MALRD1: variants seen among roughly 807,000 people sequenced by gnomAD.
The protein encoded by MALRD1 is MAM and LDL receptor class A domain containing 1.
A neutral mutation model predicts 242.1 loss-of-function variants in MALRD1; 247 were observed. That is an observed-to-expected ratio of 1.02 (90% CI 0.92 to 1.13). MALRD1 has a LOEUF of 1.13. Ranked by LOEUF, MALRD1 falls within the 50% of genes most tolerant of loss-of-function variation. The probability of loss-of-function intolerance (pLI) is 0.00; values close to 1 mark genes in which losing one functional copy is unlikely to be tolerated. For synonymous variants in MALRD1, 995 were observed against 866.6 expected, an observed-to-expected ratio of 1.15 and a Z score of -2.60; for missense variants, 2,989 against 2,533.1, an observed-to-expected ratio of 1.18 and a Z score of -3.86.
chr10:19,473,543 T>G (rs1212766247), intron 29 of MALRD1, among the ~76,000 whole-genome samples: 1 of 152,070 alleles, frequency 6.6e-6, no homozygotes, highest in Non-Finnish European at 1.5e-5. Flanking sequence ...TTTTCTACTC[T>G]GGGTGCCACA....
chr10:19,556,725 C>T (rs1006081337), intron 32 of MALRD1, among the ~76,000 whole-genome samples: 6 of 152,088 alleles, frequency 3.9e-5, no homozygotes, highest in South Asian at 2.1e-4. Context: ...TAAACAATCA[C>T]GTGCACATTT....
intron 19 of MALRD1, among the ~76,000 whole-genome samples, chr10:19,262,800 C>G (rs1007423413): frequency 3.3e-5 from 5 of 152,088 alleles, no homozygotes; most frequent in Non-Finnish European, 7.3e-5. Flanking sequence ...CCATTTCTTT[C>G]ATCCCTCGAC....
chr10:19,256,762 G>A (rs370481387), intron 18 of MALRD1, among the ~76,000 whole-genome samples: 1 of 152,160 alleles, frequency 6.6e-6, no homozygotes, highest in East Asian at 1.9e-4. Flanking sequence ...AATAATGTTT[G>A]TGGTAATTTT....
chr10:19,251,228 C>T (rs767103447), intron 18 of MALRD1, among the ~76,000 whole-genome samples: 10 of 152,032 alleles, frequency 6.6e-5, no homozygotes, highest in Non-Finnish European at 1.5e-4. Flanking sequence ...CATCCAAGTG[C>T]CCTGTTTGGA....
At chr10:19,118,916 G>A (rs1836968096) in intron 5 of MALRD1, among the ~76,000 whole-genome samples, 1 of 152,176 alleles carries the variant, frequency 6.6e-6, no homozygotes, top group South Asian at 2.1e-4. Context: ...AAAACCCATG[G>A]AAGGGCTTTA....
At position 19,585,958 on chromosome 10, in the gene MALRD1, C is replaced by T. The variant is rs12262137; in HGVS notation, c.5681-9236C>T. 2.8e-3 allele frequency among the ~76,000 whole-genome samples: 427 copies of T among 152,212 alleles called. 4 individuals are homozygous for T. Among genetic ancestry groups the T allele is most frequent in the African/African-American group, 9.8e-3 (408 of 41,526 alleles). ...TCTTTTTCCTCTAAACTTCCCTTCT[C>T]GCTTCATTTCATTCATTTCATCTTC... On this transcript the variant is annotated intron_variant, in intron 33 of 39. Transcript: ENST00000454679.
rs1247071408 is a variant in MALRD1 at position 19,595,685 on chromosome 10, CT to C, written c.5944+232del. On this transcript the variant is annotated intron_variant, in intron 34 of 39. Coordinates refer to ENST00000454679, the MANE Select transcript of MALRD1 (RefSeq NM_001142308.3). ...AATTTTTGTTAAACCTATCTTTTTC[CT>C]TTTCCATTTATATCTGAGTCATTCA... Among the ~76,000 whole-genome samples the C allele has an allele frequency of 1.1e-4, 16 of 152,212 alleles. No homozygotes were observed. The South Asian group carries it at 2.5e-3, about 24-fold the overall frequency.
intron 38 of MALRD1, among the ~76,000 whole-genome samples, chr10:19,703,280 G>C (rs1391385252): frequency 1.3e-5 from 2 of 152,100 alleles, no homozygotes; most frequent in African/African-American, 4.8e-5. Context: ...TTCTCTCTCT[G>C]CAGGTGTATT....
At chr10:19,647,072 C>G (rs1012099233) in intron 36 of MALRD1, among the ~76,000 whole-genome samples, 15 of 152,134 alleles carry the variant, frequency 9.9e-5, no homozygotes, top group African/African-American at 2.4e-4. Flanking sequence ...TAATATGTTT[C>G]AACAACAGAG....
At position 19,259,811 on chromosome 10, in the gene MALRD1, C is replaced by T. The variant is rs1293825633; in HGVS notation, c.3079+2040C>T. On this transcript the variant is annotated intron_variant, in intron 19 of 39. Transcript: ENST00000454679. Reference sequence around the variant, plus strand: ...TGCCAGAGTTTCTTCTTCAGGGAAGCCTCCTCTGAACACAACACAACACAG... The same window carrying T: ...TGCCAGAGTTTCTTCTTCAGGGAAGTCTCCTCTGAACACAACACAACACAG... Among the ~76,000 whole-genome samples, 4 of 152,270 alleles carry T rather than the reference C, an allele frequency of 2.6e-5. No homozygotes were observed. The East Asian group carries it at 7.7e-4, about 29-fold the overall frequency.
chr10:19,304,141 T>C (rs949539149), intron 21 of MALRD1, among the ~76,000 whole-genome samples: 5 of 151,706 alleles, frequency 3.3e-5, no homozygotes, highest in Admixed American at 1.3e-4. Context: ...ATTCAATTCG[T>C]TGAGGAACAA....
intron 28 of MALRD1, among the ~76,000 whole-genome samples, 180 bp downstream of exon 28, chr10:19,389,789 A>C (rs1159839547): frequency 6.6e-6 from 1 of 152,094 alleles, no homozygotes; most frequent in Non-Finnish European, 1.5e-5. Context: ...ACAGGCATGC[A>C]CCATCATGCC....
intron 18 of MALRD1, among the ~76,000 whole-genome samples, chr10:19,214,005 C>CA (rs1481018398): frequency 6.6e-6 from 1 of 152,154 alleles, no homozygotes; most frequent in African/African-American, 2.4e-5. Flanking sequence ...CCTTGGTGAG[C>CA]ATGTGTACTG....
intron 18 of MALRD1, among the ~76,000 whole-genome samples, chr10:19,233,916 G>A (rs1838191059): frequency 6.6e-6 from 1 of 151,794 alleles, no homozygotes; most frequent in Admixed American, 6.6e-5. Context: ...GTTTTGAGAT[G>A]CTTTTAATAT....
intron 18 of MALRD1, among the ~76,000 whole-genome samples, chr10:19,226,105 A>G (rs1026073260): frequency 6.6e-6 from 1 of 152,192 alleles, no homozygotes; most frequent in Non-Finnish European, 1.5e-5. Flanking sequence ...AACATTCTTA[A>G]TACAATATTA....
chr10:19,716,059 A>G (rs1834371784), intron 38 of MALRD1, among the ~76,000 whole-genome samples: 1 of 152,250 alleles, frequency 6.6e-6, no homozygotes, highest in Non-Finnish European at 1.5e-5. Context: ...AAACATCCAA[A>G]TCATATCGCT....
At chr10:19,089,126 G>A (rs1339737662) in intron 4 of MALRD1, among the ~76,000 whole-genome samples, 1 of 27,170 alleles carries the variant, frequency 3.7e-5, no homozygotes, top group African/African-American at 1.8e-4. Flanking sequence ...TGGGCCAAAT[G>A]GTATTTCTAG....
chr10:19,615,118 A>T (rs1476305125), intron 35 of MALRD1, among the ~76,000 whole-genome samples: 1 of 152,046 alleles, frequency 6.6e-6, no homozygotes, highest in African/African-American at 2.4e-5. Flanking sequence ...GAAATGATAA[A>T]TTTTTGAGAT....
At chr10:19,210,274 C>T (rs1836992687) in intron 18 of MALRD1, among the ~76,000 whole-genome samples, 1 of 152,158 alleles carries the variant, frequency 6.6e-6, no homozygotes, top group Non-Finnish European at 1.5e-5. Context: ...TATATATTAT[C>T]TATCTGATTC....
Sources: gnomAD v4.1 joint callset for allele counts (sites outside exome capture counted in the v4.1 genomes callset) on GRCh38, gnomAD v4.1.1 for gene constraint, MANE v1.5 for transcripts, NCBI Gene and HGNC (gene_info 2026-07-23, HGNC 2026-07-21) for gene names.